CLVS1: variants seen among roughly 807,000 people sequenced by gnomAD.
The protein encoded by CLVS1 is clavesin 1.
Under a neutral mutation model 33.1 loss-of-function variants are expected in CLVS1, and 10 were observed. That is an observed-to-expected ratio of 0.30 (90% CI 0.19 to 0.51). The LOEUF (loss-of-function observed/expected upper bound fraction) is 0.51. Ranked by LOEUF, CLVS1 falls within the 20% of genes least tolerant of loss-of-function variation. The pLI is 0.97. For synonymous variants in CLVS1, 163 were observed against 166.1 expected, an observed-to-expected ratio of 0.98 and a Z score of 0.14; for missense variants, 343 against 433.4, an observed-to-expected ratio of 0.79 and a Z score of 1.85.
chr8:61,074,718 G>T (rs1487416665), intron 1 of CLVS1, among the ~76,000 whole-genome samples: 1 of 152,006 alleles, frequency 6.6e-6, no homozygotes, highest in Non-Finnish European at 1.5e-5. Flanking sequence ...ATCTTAAAAT[G>T]ATGATTGTGG....
At chr8:61,358,214 G>A (rs1410094917) in intron 2 of CLVS1, among the ~76,000 whole-genome samples, 3 of 152,190 alleles carry the variant, frequency 2.0e-5, no homozygotes, top group Non-Finnish European at 4.4e-5. Context: ...AGAAGATAAA[G>A]TACTGACTTC....
At chr8:61,098,922 GC>G (rs1267417515) in intron 1 of CLVS1, among the ~76,000 whole-genome samples, 6 of 152,184 alleles carry the variant, frequency 3.9e-5, no homozygotes, top group African/African-American at 4.8e-5. Context: ...TAAAGCCTAT[GC>G]TCTTTAAGGG....
chr8:61,063,473 A>G (rs1804622825), intron 1 of CLVS1, among the ~76,000 whole-genome samples: 1 of 152,164 alleles, frequency 6.6e-6, no homozygotes, highest in Non-Finnish European at 1.5e-5. Context: ...GCGCAGAGAC[A>G]TCTAGAAGCG....
the CLVS1 span, among the ~76,000 whole-genome samples, chr8:61,050,247 G>C: frequency 1.3e-5 from 2 of 151,932 alleles, no homozygotes; most frequent in African/African-American, 4.8e-5. Context: ...CAAATTCTTC[G>C]ATATGTGGAA....
intron 3 of CLVS1, among the ~76,000 whole-genome samples, chr8:61,441,005 T>C (rs1223654483): frequency 6.6e-6 from 1 of 152,236 alleles, no homozygotes; most frequent in African/African-American, 2.4e-5. Context: ...CTTCATTTTC[T>C]TTCAAATAGG....
At chr8:61,206,334 G>C (rs1026492690) in intron 2 of CLVS1, among the ~76,000 whole-genome samples, 11 of 152,172 alleles carry the variant, frequency 7.2e-5, no homozygotes, top group African/African-American at 2.7e-4. Flanking sequence ...GTATAGGCAA[G>C]GAAGTGTGCA....
chr8:61,454,100 G>A (rs1817063440), intron 3 of CLVS1, 41 bp from the exon 4 acceptor site: 1 of 1,368,136 alleles, frequency 7.3e-7, no homozygotes, highest in African/African-American at 1.4e-5. Context: ...CTAACAAGGT[G>A]TGCTTACTAA....
intron 2 of CLVS1, among the ~76,000 whole-genome samples, chr8:61,227,276 A>G (rs1472555061): frequency 1.3e-5 from 2 of 150,050 alleles, no homozygotes; most frequent in Non-Finnish European, 3.0e-5. Context: ...TAGCTCTTCA[A>G]GGATTAGGCG....
rs746911017 is a variant in CLVS1 at position 61,300,239 on chromosome 8, A to G, written c.412A>G (p.Arg138Gly). Residue 138 changes from arginine (R) to glycine (G), a missense_variant, in exon 2 of 6, where the codon AGG (arginine) becomes GGG (glycine). Transcript: ENST00000325897. ...GVLENRDHYG[R>G]KILLLFAANW... ...GCTGGAAAACCGAGACCATTACGGC[A>G]GGAAGATTCTTTTGCTGTTTGCAGC... The G allele has an allele frequency of 2.5e-6, 4 of 1,613,922 alleles. No individual in the cohort carries two copies. The highest frequency in any genetic ancestry group is 3.4e-6 in the Non-Finnish European group (4 of 1,179,930).
intron 1 of CLVS1, among the ~76,000 whole-genome samples, chr8:61,129,174 A>G (rs974771592): frequency 1.3e-5 from 2 of 152,262 alleles, no homozygotes; most frequent in Non-Finnish European, 2.9e-5. Flanking sequence ...AAATGGAACT[A>G]TGTGAAGAGT....
At chr8:61,270,766 T>C (rs1809420194) in intron 2 of CLVS1, among the ~76,000 whole-genome samples, 1 of 152,188 alleles carries the variant, frequency 6.6e-6, no homozygotes, top group East Asian at 1.9e-4. Flanking sequence ...TCGAGGAATT[T>C]ATCCATTTCT....
At chr8:61,351,923 A>C (rs1348211673) in intron 2 of CLVS1, among the ~76,000 whole-genome samples, 1 of 113,072 alleles carries the variant, frequency 8.8e-6, no homozygotes, top group African/African-American at 3.1e-5. Flanking sequence ...CTACCCTTAA[A>C]AGCCGGCAAA....
chr8:61,215,645 T>C (rs1019448319), intron 2 of CLVS1, among the ~76,000 whole-genome samples: 1 of 151,798 alleles, frequency 6.6e-6, no homozygotes, highest in Non-Finnish European at 1.5e-5. Context: ...TTGCATTCAA[T>C]GGTATTGAAC....
intron 3 of CLVS1, among the ~76,000 whole-genome samples, chr8:61,435,733 A>G (rs1293632325): frequency 6.6e-6 from 1 of 152,144 alleles, no homozygotes; most frequent in Non-Finnish European, 1.5e-5. Context: ...ACTGAGGACT[A>G]CTGTCTTGTA....
chr8:61,026,427 C>T, the CLVS1 span, among the ~76,000 whole-genome samples: 1 of 152,208 alleles, frequency 6.6e-6, no homozygotes, highest in Admixed American at 6.5e-5. Context: ...ATGGCAACCC[C>T]AGCCCTAGCT....
At chr8:61,343,169 G>T (rs1199859783) in intron 2 of CLVS1, among the ~76,000 whole-genome samples, 8 of 152,134 alleles carry the variant, frequency 5.3e-5, no homozygotes, top group South Asian at 2.1e-4. Context: ...ATACATAAAA[G>T]CACTTTCTTC....
chr8:61,078,661 T>A (rs1396339441), intron 1 of CLVS1, among the ~76,000 whole-genome samples: 1 of 152,196 alleles, frequency 6.6e-6, no homozygotes. Flanking sequence ...AGTCCACTAA[T>A]GTTCCTTCTC....
intron 2 of CLVS1, among the ~76,000 whole-genome samples, chr8:61,347,018 A>G (rs1812245822): frequency 6.6e-6 from 1 of 152,210 alleles, no homozygotes; most frequent in African/African-American, 2.4e-5. Flanking sequence ...CTAAAAAACA[A>G]GAGTTTGAGT....
intron 2 of CLVS1, among the ~76,000 whole-genome samples, chr8:61,168,444 C>A (rs1806925586): frequency 6.6e-6 from 1 of 152,158 alleles, no homozygotes; most frequent in Non-Finnish European, 1.5e-5. Context: ...ACTAATTTTA[C>A]AAGTAAATTA....
Sources: allele counts gnomAD v4.1 joint callset (sites outside exome capture counted in the v4.1 genomes callset), GRCh38; gene constraint gnomAD v4.1.1; transcripts MANE v1.5; gene names NCBI Gene and HGNC (gene_info 2026-07-23, HGNC 2026-07-21).